The following AFF2 variants were observed in gnomAD, a reference collection of about 807,000 sequenced individuals.
AFF2 encodes the protein ALF transcription elongation factor 2.
AFF2 carries 14 observed loss-of-function variants against 76.9 expected under a neutral mutation model. The ratio of observed to expected loss-of-function variants is 0.18; its 90% confidence interval spans 0.12 to 0.28. The LOEUF (loss-of-function observed/expected upper bound fraction) is 0.28. Ranked by LOEUF, AFF2 falls within the 10% of genes least tolerant of loss-of-function variation. The pLI, the probability that AFF2 is intolerant of heterozygous loss-of-function variation, is 1.00. For synonymous variants in AFF2, 398 were observed against 366.7 expected, an observed-to-expected ratio of 1.09 and a Z score of -0.98; for missense variants, 868 against 1,001.1, an observed-to-expected ratio of 0.87 and a Z score of 1.79.
intron 1 of AFF2, among the ~76,000 whole-genome samples, chrX:148,592,100 C>T (rs983223397): frequency 4.5e-5 from 5 of 111,927 alleles, no homozygotes; most frequent in African/African-American, 1.6e-4. Flanking sequence ...TGTCTAACAC[C>T]ATCAATCGAG....
At chrX:148,612,107 G>A (rs190401293) in intron 1 of AFF2, among the ~76,000 whole-genome samples, 1 of 111,823 alleles carries the variant, frequency 8.9e-6, no homozygotes, top group African/African-American at 3.2e-5. Context: ...GTCTACCATA[G>A]AGAATTATGT....
At chrX:148,762,263 C>T (rs1222915931) in intron 3 of AFF2, among the ~76,000 whole-genome samples, 1 of 109,559 alleles carries the variant, frequency 9.1e-6, no homozygotes, top group Non-Finnish European at 1.9e-5. Context: ...ATCCTCGTAG[C>T]TTAGCTCCCA....
At chrX:148,886,788 C>T (rs1247997007) in intron 8 of AFF2, among the ~76,000 whole-genome samples, 1 of 112,288 alleles carries the variant, frequency 8.9e-6, no homozygotes, top group African/African-American at 3.2e-5. Flanking sequence ...AATCCAGTAC[C>T]TGACCAAGAT....
At chrX:148,971,326 G>C (rs782592662) in intron 15 of AFF2, among the ~76,000 whole-genome samples, 4 of 101,069 alleles carry the variant, frequency 4.0e-5, no homozygotes, top group African/African-American at 1.5e-4. Flanking sequence ...GGCGATACGG[G>C]CTTTATGCCC....
chrX:148,835,013 A>G (rs1557273647), intron 4 of AFF2, among the ~76,000 whole-genome samples: 1 of 112,403 alleles, frequency 8.9e-6, no homozygotes, highest in Non-Finnish European at 1.9e-5. Context: ...GTTGTAATTG[A>G]AAATGTAGAA....
chrX:148,610,003 G>C (rs1228278879), intron 1 of AFF2, among the ~76,000 whole-genome samples: 2 of 111,579 alleles, frequency 1.8e-5, no homozygotes, highest in Non-Finnish European at 3.8e-5. Flanking sequence ...AGCACTTCCT[G>C]GTCTCCACTA....
At chrX:148,796,857 C>T (rs782408656) in intron 3 of AFF2, among the ~76,000 whole-genome samples, 5 of 112,329 alleles carry the variant, frequency 4.5e-5, no homozygotes, top group African/African-American at 1.6e-4. Context: ...ATTATATTTT[C>T]ACTACCATTT....
intron 3 of AFF2, among the ~76,000 whole-genome samples, chrX:148,687,319 A>G (rs1557260412): frequency 8.9e-6 from 1 of 112,229 alleles, no homozygotes; most frequent in Non-Finnish European, 1.9e-5. Flanking sequence ...ATTTATTTCA[A>G]TTTTTTTAGA....
At chrX:148,742,860 G>T (rs1269553000) in intron 3 of AFF2, among the ~76,000 whole-genome samples, 1 of 111,898 alleles carries the variant, frequency 8.9e-6, no homozygotes, top group Admixed American at 9.5e-5. Flanking sequence ...GTCTGTATGT[G>T]CTTTCCAAAT....
rs1428070939 is a variant in AFF2 at position 148,521,374 on chromosome X, G to GCGCA, written c.47+20231_47+20232insGCAC. 2.5e-4 allele frequency among the ~76,000 whole-genome samples: 23 copies of GCGCA among 90,914 alleles called. No individual in the cohort carries two copies. In the East Asian group the frequency reaches 6.1e-3, roughly 24 times the overall value. The allele number at this position is 90,914 out of a possible 115,157, so 78.9% of individuals were successfully genotyped here. A position where few individuals can be genotyped will look rare whatever the true frequency, so the allele number is the denominator to read the frequency against. ...ACAGGTACCTGAAAAGCACGTGCAT[G>GCGCA]CACACACACACACACACACACACAC... On this transcript the variant is annotated intron_variant, in intron 1 of 20. Coordinates refer to ENST00000370460, the MANE Select transcript of AFF2 (RefSeq NM_002025.4).
chrX:148,542,916 T>C (rs1248424029), intron 1 of AFF2, among the ~76,000 whole-genome samples: 1 of 111,959 alleles, frequency 8.9e-6, no homozygotes, highest in Non-Finnish European at 1.9e-5. Context: ...AATGGAACTT[T>C]TCCCTCCAAA....
In AFF2 at chrX:148,986,419, C is replaced by G. The variant is rs782381394; in HGVS notation, c.3624-948C>G. Reference sequence around the variant, plus strand: ...ACCCTGGGCCCTGGAAGAAAAACGACCCCCATGCTGTATACAGCCAGCAGG... The same window carrying G: ...ACCCTGGGCCCTGGAAGAAAAACGAGCCCCATGCTGTATACAGCCAGCAGG... On this transcript the variant is annotated intron_variant, in intron 19 of 20. Coordinates refer to ENST00000370460, the MANE Select transcript of AFF2 (RefSeq NM_002025.4). 2.7e-5 allele frequency among the ~76,000 whole-genome samples: 3 copies of G among 112,001 alleles called. No individual in the cohort carries two copies. In the South Asian group the frequency reaches 1.1e-3, roughly 43 times the overall value.
intron 3 of AFF2, among the ~76,000 whole-genome samples, chrX:148,784,866 G>A (rs940016319): frequency 1.8e-5 from 2 of 111,146 alleles, no homozygotes; most frequent in African/African-American, 6.5e-5. Context: ...GCTCCCAAAC[G>A]GCTCACTGTC....
intron 9 of AFF2, among the ~76,000 whole-genome samples, chrX:148,906,865 G>A (rs1344507625): frequency 8.9e-6 from 1 of 111,836 alleles, no homozygotes; most frequent in East Asian, 2.8e-4. Context: ...GATCCAGCGA[G>A]GCACCCATTG....
chrX:148,749,194 A>T (rs142260457), intron 3 of AFF2, among the ~76,000 whole-genome samples: 1 of 111,569 alleles, frequency 9.0e-6, no homozygotes, highest in African/African-American at 3.3e-5. Flanking sequence ...TTGAATACAC[A>T]CAATATCATC....
intron 3 of AFF2, 24 bp downstream of exon 3, chrX:148,662,792 T>G (rs782707709): frequency 5.9e-6 from 7 of 1,187,167 alleles, no homozygotes; most frequent in Non-Finnish European, 7.9e-6. Flanking sequence ...AAAGTTTTGT[T>G]TGGTTTCACT....
At chrX:148,894,892 G>GATAT (rs200455717) in intron 8 of AFF2, among the ~76,000 whole-genome samples, 1,355 of 109,581 alleles carry the variant, frequency 0.012, 27 homozygotes, top group African/African-American at 0.044. Context: ...ATGTGAGATA[G>GATAT]ATAGATATAT....
At position 148,983,713 on chromosome X, in the gene AFF2, C is replaced by G. The variant is rs1189317264; in HGVS notation, c.3623+2923C>G. The stretch of plus-strand genomic sequence containing the variant: ...ATAAGTAGCCATCCATCCTATCATT[C>G]CCCAAATATTTATTGAGTGCCTACC... On this transcript the variant is annotated intron_variant, in intron 19 of 20. Coordinates refer to ENST00000370460, the MANE Select transcript of AFF2 (RefSeq NM_002025.4). Among the ~76,000 whole-genome samples, 13 of 109,576 alleles carry G rather than the reference C, an allele frequency of 1.2e-4. 1 individual carries two copies. The Admixed American group carries it at 1.3e-3, about 11-fold the overall frequency.
chrX:148,693,118 C>T (rs1455271907), intron 3 of AFF2, among the ~76,000 whole-genome samples: 5 of 110,670 alleles, frequency 4.5e-5, no homozygotes, highest in Non-Finnish European at 1.9e-5. Flanking sequence ...GGGGTTTCAC[C>T]GTATTAGCCA....
Sources: gnomAD v4.1 joint callset for allele counts (sites outside exome capture counted in the v4.1 genomes callset) on GRCh38, gnomAD v4.1.1 for gene constraint, MANE v1.5 for transcripts, NCBI Gene and HGNC (gene_info 2026-07-23, HGNC 2026-07-21) for gene names.